The following NREP variants were observed in gnomAD, a reference collection of about 807,000 sequenced individuals.
NREP encodes neuronal regeneration related protein, also known as neuronal regeneration-related protein.
Under a neutral mutation model 8.6 loss-of-function variants are expected in NREP, and 5 were observed. The ratio of observed to expected loss-of-function variants is 0.58; its 90% CI spans 0.30 to 1.22. NREP has a LOEUF of 1.22. Among genes scored for constraint, NREP ranks in the 50% most tolerant of loss-of-function variants. The pLI, the probability that NREP is intolerant of heterozygous loss-of-function variation, is 0.07. For synonymous variants in NREP, 27 were observed against 28.0 expected (o/e 0.96, Z 0.11); for missense variants, 86 against 82.5 (o/e 1.04, Z -0.17).
At chr5:111,903,534 T>C (rs908332894) in intron 2 of NREP, among the ~76,000 whole-genome samples, 1 of 152,174 alleles carries the variant, frequency 6.6e-6, no homozygotes, top group East Asian at 1.9e-4. Context: ...ATTACATTTT[T>C]TCTACCTAAC....
intron 2 of NREP, among the ~76,000 whole-genome samples, chr5:111,818,520 A>G (rs1581139714): frequency 6.6e-6 from 1 of 152,174 alleles, no homozygotes; most frequent in East Asian, 1.9e-4. Context: ...TTTCATTTGT[A>G]AACTGAGATT....
intron 3 of NREP, chr5:111,735,215 T>A: frequency 2.3e-6 from 1 of 432,068 alleles, no homozygotes; most frequent in South Asian, 3.8e-5. Flanking sequence ...TAAATGAAAA[T>A]TTTTCATTTA....
At chr5:111,735,215 T>G (rs1389829652) in intron 3 of NREP, 1 of 432,068 alleles carries the variant, frequency 2.3e-6, no homozygotes, top group Non-Finnish European at 4.2e-6. Context: ...TAAATGAAAA[T>G]TTTTCATTTA....
At chr5:111,826,415 G>C (rs1452377391) in intron 2 of NREP, among the ~76,000 whole-genome samples, 2 of 152,196 alleles carry the variant, frequency 1.3e-5, no homozygotes, top group Non-Finnish European at 2.9e-5. Context: ...CTGCTGCTCA[G>C]TGTTTGGGTC....
intron 2 of NREP, among the ~76,000 whole-genome samples, chr5:111,799,085 T>C (rs538970750): frequency 4.5e-4 from 69 of 152,322 alleles, no homozygotes; most frequent in African/African-American, 1.5e-3. Flanking sequence ...TGGTTGTATT[T>C]GGCTTTATTT....
intron 2 of NREP, among the ~76,000 whole-genome samples, chr5:111,794,819 AACGATGG>A (rs1452340797): frequency 6.6e-6 from 1 of 152,144 alleles, no homozygotes; most frequent in Non-Finnish European, 1.5e-5. Context: ...CCCTAATGTA[AACGATGG>A]CCTTTTGGTG....
intron 2 of NREP, among the ~76,000 whole-genome samples, chr5:111,858,840 T>G (rs988119898): frequency 3.3e-5 from 5 of 152,064 alleles, no homozygotes; most frequent in Admixed American, 3.3e-4. Context: ...CCAAACAACC[T>G]TACGAGCATC....
chr5:111,764,059 C>T (rs1266124334), intron 2 of NREP, among the ~76,000 whole-genome samples: 1 of 152,138 alleles, frequency 6.6e-6, no homozygotes, highest in Non-Finnish European at 1.5e-5. Context: ...AAACAAATTC[C>T]ATACATACTA....
At chr5:111,903,248 C>T (rs1177599359) in intron 2 of NREP, among the ~76,000 whole-genome samples, 1 of 151,776 alleles carries the variant, frequency 6.6e-6, no homozygotes, top group East Asian at 1.9e-4. Flanking sequence ...CCATGCCTGA[C>T]TAATTTTTGT....
chr5:111,937,979 T>G (rs1253544167), intron 2 of NREP, among the ~76,000 whole-genome samples: 1 of 152,056 alleles, frequency 6.6e-6, no homozygotes, highest in Non-Finnish European at 1.5e-5. Flanking sequence ...TGCACCCATT[T>G]CTGCCTGCTC....
At chr5:111,890,813 G>A (rs982200967) in intron 2 of NREP, among the ~76,000 whole-genome samples, 3 of 152,310 alleles carry the variant, frequency 2.0e-5, no homozygotes, top group African/African-American at 4.8e-5. Context: ...CCTGACCCAC[G>A]AAACCATTCT....
In NREP at chr5:111,820,717, T is replaced by C. The variant is rs559320775; in HGVS notation, c.136-85210A>G. 2.0e-5 allele frequency among the ~76,000 whole-genome samples: 3 copies of C among 152,312 alleles called. No individual in the cohort carries two copies. In the South Asian group the frequency reaches 6.2e-4, roughly 32 times the overall value. Reference sequence around the variant, plus strand: ...TAGAAGTGTGATCTGTCTGCCTTTATGGTTTCATTGGAGACTATTTACAAA... The same window carrying C: ...TAGAAGTGTGATCTGTCTGCCTTTACGGTTTCATTGGAGACTATTTACAAA... On this transcript the variant is annotated intron_variant, in intron 2 of 3. Transcript: ENST00000395634.
At chr5:111,859,787 T>C (rs1753504228) in intron 2 of NREP, among the ~76,000 whole-genome samples, 1 of 152,100 alleles carries the variant, frequency 6.6e-6, no homozygotes, top group African/African-American at 2.4e-5. Flanking sequence ...TCCAGTCTTT[T>C]TAAATCAGGT....
rs1198505977 is a variant in NREP, at chr5:111,964,882, A to T, written c.135+10392T>A. On this transcript the variant is annotated intron_variant, in intron 2 of 3. Coordinates refer to the NREP transcript ENST00000395634. ...AAAAAAAAAAAAAAAAAAAAAAAAA[A>T]AAAAAAAAAAAAAGAAACCATGTAA... 1.2e-3 allele frequency among the ~76,000 whole-genome samples: 172 copies of T among 143,192 alleles called. 1 individual carries two copies. Among genetic ancestry groups the T allele is most frequent in the Non-Finnish European group, 2.0e-3 (136 of 66,568 alleles). The allele number at this position is 143,192 out of a possible 152,430, so 93.9% of individuals were successfully genotyped here. A position where few individuals can be genotyped will look rare whatever the true frequency, so the allele number is the denominator to read the frequency against.
chr5:111,878,501 C>T (rs1351294805), intron 2 of NREP, among the ~76,000 whole-genome samples: 1 of 152,170 alleles, frequency 6.6e-6, no homozygotes. Context: ...CAATCACCTC[C>T]CATCAGGTCT....
chr5:111,746,590 A>G (rs891661125), intron 2 of NREP, among the ~76,000 whole-genome samples: 1 of 152,194 alleles, frequency 6.6e-6, no homozygotes, highest in African/African-American at 2.4e-5. Context: ...TACCCAGTCA[A>G]TAAAGACATA....
intron 2 of NREP, among the ~76,000 whole-genome samples, chr5:111,776,066 A>T (rs1751349662): frequency 6.6e-6 from 1 of 152,306 alleles, no homozygotes; most frequent in East Asian, 1.9e-4. Flanking sequence ...GTCAGTAAGT[A>T]TGAGGTGAAT....
At chr5:111,837,671 C>A (rs1752927925) in intron 2 of NREP, among the ~76,000 whole-genome samples, 1 of 151,856 alleles carries the variant, frequency 6.6e-6, no homozygotes, top group Non-Finnish European at 1.5e-5. Flanking sequence ...CAAAGAGTGA[C>A]AAGATTGGAC....
intron 2 of NREP, among the ~76,000 whole-genome samples, chr5:111,935,895 C>T (rs1005083871): frequency 6.6e-6 from 1 of 152,018 alleles, no homozygotes; most frequent in African/African-American, 2.4e-5. Context: ...AATTTATTCT[C>T]CCATAGTTTT....
Sources: allele counts gnomAD v4.1 joint callset (sites outside exome capture counted in the v4.1 genomes callset), GRCh38; gene constraint gnomAD v4.1.1; transcripts MANE v1.5; gene names NCBI Gene and HGNC (gene_info 2026-07-23, HGNC 2026-07-21).